The following IFT57 variants were observed in gnomAD, a reference collection of about 807,000 sequenced individuals.
The protein encoded by IFT57 is intraflagellar transport 57, also known as intraflagellar transport protein 57 homolog.
IFT57 carries 59 observed loss-of-function variants against 56.8 expected under a neutral mutation model. That is an observed-to-expected ratio of 1.04 (90% CI 0.84 to 1.29). IFT57 has a LOEUF of 1.29. Ranked by LOEUF, IFT57 falls within the 50% of genes most tolerant of loss-of-function variation. The pLI is 0.00. For synonymous variants in IFT57, 209 were observed against 186.1 expected (o/e 1.12, Z -1.00); for missense variants, 470 against 522.1 (o/e 0.90, Z 0.97).
intron 6 of IFT57, among the ~76,000 whole-genome samples, chr3:108,180,817 A>G (rs972391027): frequency 1.3e-5 from 2 of 152,082 alleles, no homozygotes; most frequent in African/African-American, 4.8e-5. Context: ...GCTTCAATTC[A>G]TAGTTCATAT....
chr3:108,206,055 T>G (rs1166249062), intron 5 of IFT57, among the ~76,000 whole-genome samples: 2 of 121,642 alleles, frequency 1.6e-5, no homozygotes, highest in East Asian at 4.4e-4. Flanking sequence ...TATTATATAT[T>G]ATTTATATAT....
chr3:108,193,121 A>G (rs530672922), intron 5 of IFT57, among the ~76,000 whole-genome samples: 2 of 152,352 alleles, frequency 1.3e-5, no homozygotes, highest in East Asian at 3.9e-4. Context: ...TACATTCTCA[A>G]TATATATTTA....
Position 108,163,673 on chromosome 3 carries a change from C to T in IFT57, c.1101G>A (p.Met367Ile), listed in dbSNP as rs1354474266. The T allele has an allele frequency of 1.2e-6, 2 of 1,610,668 alleles. No individual in the cohort carries two copies. The highest frequency in any genetic ancestry group is 8.5e-7 in the Non-Finnish European group (1 of 1,177,544). ...TGAGCATGTACTTACCACCATCAGT[C>T]ATGCTGCTGCCCTTTTCTTCCATTT... is the stretch of plus-strand genomic sequence containing the variant. ...KQEMEEKGSSMTDGAPLVKIK... is the reference protein window; with the variant it reads ...KQEMEEKGSSITDGAPLVKIK... The change falls in exon 10 of 11, where the codon ATG (methionine) becomes ATA (isoleucine). Residue 367 changes from methionine (M) to isoleucine (I), a missense_variant. Met to Ile is a conservative substitution (Grantham distance 10, BLOSUM62 1). Coordinates refer to ENST00000264538, the MANE Select transcript of IFT57 (RefSeq NM_018010.4).
intron 5 of IFT57, among the ~76,000 whole-genome samples, chr3:108,199,943 T>A (rs1049058409): frequency 7.2e-5 from 11 of 152,042 alleles, no homozygotes; most frequent in African/African-American, 2.4e-4. Context: ...AAGAGAAGCA[T>A]TGGATGGGAG....
At chr3:108,215,073 C>A (rs1022750956) in intron 3 of IFT57, among the ~76,000 whole-genome samples, 22 of 152,074 alleles carry the variant, frequency 1.4e-4, no homozygotes, top group Non-Finnish European at 3.1e-4. Context: ...AAGAAGGAGT[C>A]CAGCTTTCTT....
Position 108,188,201 on chromosome 3 carries a change from G to A in IFT57, c.777+3320C>T, listed in dbSNP as rs367685297. On this transcript the variant is annotated intron_variant, in intron 6 of 10. Coordinates refer to ENST00000264538, the MANE Select transcript of IFT57 (RefSeq NM_018010.4). ...GAAGGAAAGGGTCGACCACGATGCT[G>A]GAGTCCACCTCTTCTGGAGGAGAAT... is the stretch of plus-strand genomic sequence containing the variant. 2.6e-5 allele frequency among the ~76,000 whole-genome samples: 4 copies of A among 152,210 alleles called. No individual in the cohort carries two copies. In the East Asian group the frequency reaches 7.7e-4, roughly 29 times the overall value.
In IFT57 at chr3:108,222,257, G is replaced by T. The variant is rs2080410826; in HGVS notation, c.66C>A (p.Gly22=). Residue 22 remains glycine, a synonymous_variant, in exon 1 of 11, where the codon GGC becomes GGA. Coordinates refer to ENST00000264538, the MANE Select transcript of IFT57 (RefSeq NM_018010.4). ...GLEDGVPRSR[G]EGTGEVVLER... ...CCAAGACCACTTCCCCGGTCCCTTC[G>T]CCACGGGACCTAGGCACCCCATCTT... The T allele has an allele frequency of 6.2e-7, 1 of 1,613,874 alleles. No homozygotes were observed. The highest frequency in any genetic ancestry group is 8.5e-7 in the Non-Finnish European group (1 of 1,180,014).
At chr3:108,170,587 T>C (rs1040839821) in intron 6 of IFT57, among the ~76,000 whole-genome samples, 1 of 151,698 alleles carries the variant, frequency 6.6e-6, no homozygotes, top group African/African-American at 2.4e-5. Context: ...AAGTAATTTA[T>C]AGATTCAATG....
intron 6 of IFT57, among the ~76,000 whole-genome samples, chr3:108,181,336 C>A (rs1035280310): frequency 6.6e-6 from 1 of 152,070 alleles, no homozygotes; most frequent in Non-Finnish European, 1.5e-5. Flanking sequence ...ATTCCCACAA[C>A]TCTGATACCT....
At chr3:108,173,997 AGTGTGTGTGTGTGTGTGTGTGTGT>A (rs34537693) in intron 6 of IFT57, among the ~76,000 whole-genome samples, 2 of 100,720 alleles carry the variant, frequency 2.0e-5, no homozygotes, top group Non-Finnish European at 2.2e-5. Context: ...CATATATTTG[AGTGTGTGTGTGTGTGTGTGTGTGT>A]GTGTGTGTGT....
At chr3:108,168,419 TCAA>T (rs1349340742) in intron 6 of IFT57, among the ~76,000 whole-genome samples, 1 of 151,998 alleles carries the variant, frequency 6.6e-6, no homozygotes, top group African/African-American at 2.4e-5. Context: ...GAAATCTACA[TCAA>T]CATTTTAATT....
intron 3 of IFT57, 52 bp downstream of exon 3, chr3:108,218,483 A>G: frequency 2.7e-6 from 2 of 754,178 alleles, no homozygotes; most frequent in South Asian, 1.8e-5. Context: ...GTACCCTCAG[A>G]GGCAAATGCT....
At chr3:108,178,760 T>C (rs2080137129) in intron 6 of IFT57, among the ~76,000 whole-genome samples, 1 of 151,846 alleles carries the variant, frequency 6.6e-6, no homozygotes, top group Non-Finnish European at 1.5e-5. Flanking sequence ...GACAAAGATA[T>C]GAAGCAATTG....
intron 5 of IFT57, among the ~76,000 whole-genome samples, chr3:108,202,574 C>T (rs1178712090): frequency 2.0e-5 from 3 of 152,194 alleles, no homozygotes; most frequent in Admixed American, 1.3e-4. Flanking sequence ...ACATAAAGAA[C>T]GTGGAATTCT....
At chr3:108,182,578 T>C (rs1399610056) in intron 6 of IFT57, among the ~76,000 whole-genome samples, 1 of 152,178 alleles carries the variant, frequency 6.6e-6, no homozygotes, top group Admixed American at 6.6e-5. Flanking sequence ...GCAACGCTTA[T>C]ACAGTTTATT....
chr3:108,167,965 C>T, intron 6 of IFT57, 101 bp from the exon 7 acceptor site: 1 of 792,246 alleles, frequency 1.3e-6, no homozygotes, highest in Admixed American at 2.8e-5. Flanking sequence ...TGGTTCCTGC[C>T]CTATTTCAGG....
chr3:108,203,446 ATACT>A (rs2080290945), intron 5 of IFT57, among the ~76,000 whole-genome samples: 1 of 152,178 alleles, frequency 6.6e-6, no homozygotes, highest in African/African-American at 2.4e-5. Flanking sequence ...GATTATCATG[ATACT>A]TAAAGAGCAT....
intron 4 of IFT57, among the ~76,000 whole-genome samples, chr3:108,212,862 G>T (rs1311166356): frequency 6.6e-6 from 1 of 151,726 alleles, no homozygotes; most frequent in Non-Finnish European, 1.5e-5. Flanking sequence ...GCAAAATATA[G>T]TTGACCCTTG....
At chr3:108,173,281 T>C (rs932731998) in intron 6 of IFT57, among the ~76,000 whole-genome samples, 1 of 151,738 alleles carries the variant, frequency 6.6e-6, no homozygotes, top group Non-Finnish European at 1.5e-5. Flanking sequence ...AGACACTGTA[T>C]ACAAACTTGA....
Sources: allele counts gnomAD v4.1 joint callset (sites outside exome capture counted in the v4.1 genomes callset), GRCh38; gene constraint gnomAD v4.1.1; transcripts MANE v1.5; gene names NCBI Gene and HGNC (gene_info 2026-07-23, HGNC 2026-07-21).